Variants in SLC35A3 observed in about 807,000 individuals in gnomAD.
SLC35A3 encodes solute carrier family 35 member A3.
Under a neutral mutation model 39.0 loss-of-function variants are expected in SLC35A3, and 26 were observed. The observed-to-expected ratio is 0.67, with a 90% CI of 0.49 to 0.92. SLC35A3 has a LOEUF of 0.92. Ranked by LOEUF, SLC35A3 falls within the 40% of genes least tolerant of loss-of-function variation. The probability of loss-of-function intolerance (pLI) is 0.00; values close to 1 mark genes in which losing one functional copy is unlikely to be tolerated. For synonymous variants in SLC35A3, 135 were observed against 133.1 expected (o/e 1.01, Z -0.10); for missense variants, 299 against 371.6 (o/e 0.80, Z 1.61).
chr1:99,975,066 C>G (rs142608931), intron 1 of SLC35A3: 1,593 of 152,180 alleles, frequency 0.01, 14 homozygotes, highest in Middle Eastern at 0.057. Flanking sequence ...CCTTAGCCTC[C>G]CAAGTAGGTG....
chr1:99,989,084 A>G (rs1347898077), intron 1 of SLC35A3, among the ~76,000 whole-genome samples: 1 of 152,034 alleles, frequency 6.6e-6, no homozygotes, highest in Non-Finnish European at 1.5e-5. Context: ...ACCATTTTAC[A>G]TTTTCACTAG....
intron 1 of SLC35A3, among the ~76,000 whole-genome samples, chr1:99,981,782 G>C (rs889786365): frequency 2.6e-5 from 4 of 152,020 alleles, no homozygotes; most frequent in Non-Finnish European, 5.9e-5. Flanking sequence ...CACCCAGCCT[G>C]TGTATGAATT....
chr1:100,021,305 A>G lies in SLC35A3; in HGVS notation c.888-1081A>G, dbSNP rs529297548. 2.6e-5 allele frequency among the ~76,000 whole-genome samples: 4 copies of G among 151,846 alleles called. No homozygotes were observed. In the South Asian group the frequency reaches 8.3e-4, roughly 32 times the overall value. ...CTTGAACCTGGGAGGCGGAGGTTGCAGTGAGCCGAGATCACACCACTGCAC... is the reference window on the plus strand; with the variant it reads ...CTTGAACCTGGGAGGCGGAGGTTGCGGTGAGCCGAGATCACACCACTGCAC... On this transcript the variant is annotated intron_variant, in intron 7 of 7. Transcript: ENST00000533028.
intron 1 of SLC35A3, among the ~76,000 whole-genome samples, chr1:99,983,213 G>A (rs1200493236): frequency 6.6e-6 from 1 of 151,940 alleles, no homozygotes; most frequent in East Asian, 1.9e-4. Flanking sequence ...CTGGAGGGGA[G>A]TGGAATGAAG....
At chr1:99,983,753 G>A (rs1260144431) in intron 1 of SLC35A3, among the ~76,000 whole-genome samples, 1 of 151,534 alleles carries the variant, frequency 6.6e-6, no homozygotes, top group Non-Finnish European at 1.5e-5. Flanking sequence ...AGCCCCCTGA[G>A]TAGCTGGGAT....
intron 1 of SLC35A3, among the ~76,000 whole-genome samples, chr1:99,980,285 T>A (rs1347114299): frequency 6.6e-6 from 1 of 152,092 alleles, no homozygotes; most frequent in Non-Finnish European, 1.5e-5. Flanking sequence ...CTGTTGTAAG[T>A]GGTGGGAAGT....
intron 3 of SLC35A3, among the ~76,000 whole-genome samples, chr1:100,006,222 C>A (rs1442887056): frequency 6.6e-6 from 1 of 152,032 alleles, no homozygotes; most frequent in Admixed American, 6.6e-5. Context: ...CCAGTGGTGG[C>A]AGTGGTGGAC....
At chr1:99,972,673 A>G (rs1656887702) in intron 1 of SLC35A3, among the ~76,000 whole-genome samples, 1 of 152,134 alleles carries the variant, frequency 6.6e-6, no homozygotes, top group Non-Finnish European at 1.5e-5. Flanking sequence ...TAGTACTTGA[A>G]CACATCATGA....
Position 100,024,642 on chromosome 1 carries a change from CAG to C in SLC35A3, c.*2169_*2170del, listed in dbSNP as rs1250410103. On this transcript the variant is annotated 3_prime_UTR_variant, in exon 8 of 8. Coordinates refer to ENST00000533028, the MANE Select transcript of SLC35A3 (RefSeq NM_012243.3). Reference sequence around the variant, plus strand: ...TACTTCTTTTTTTTTTTTTTTGAGACAGAGTCTCACTTTGTCGCCAGGCTGGA... The same window carrying C: ...TACTTCTTTTTTTTTTTTTTTGAGACAGTCTCACTTTGTCGCCAGGCTGGA... The C allele has an allele frequency of 1.0e-3, 296 of 296,462 alleles. 3 individuals carry two copies. The highest frequency in any genetic ancestry group is 6.1e-3 in the African/African-American group (255 of 42,088). The allele number at this position is 296,462 out of a possible 1,614,324, so 18.4% of individuals were successfully genotyped here. A position where few individuals can be genotyped will look rare whatever the true frequency, so the allele number is the denominator to read the frequency against.
Position 100,030,378 on chromosome 1 carries a change from G to A in SLC35A3, c.*7902G>A, listed in dbSNP as rs900095606. On this transcript the variant is annotated 3_prime_UTR_variant, in exon 8 of 8. Coordinates refer to ENST00000533028, the MANE Select transcript of SLC35A3 (RefSeq NM_012243.3). ...AAATTCACGTTAAAATATACTTTAAGCTTGTCCAACGCGCGGCCTGCAGGC... is the reference window on the plus strand; with the variant it reads ...AAATTCACGTTAAAATATACTTTAAACTTGTCCAACGCGCGGCCTGCAGGC... 6.6e-6 allele frequency: 1 copy of A among 152,228 alleles called. No individual in the cohort carries two copies. The highest frequency in any genetic ancestry group is 2.4e-5 in the African/African-American group (1 of 41,454). 9.4% of individuals were successfully genotyped at this position (152,228 alleles called of 1,614,324 possible). A position where few individuals can be genotyped will look rare whatever the true frequency, so the allele number is the denominator to read the frequency against.
chr1:99,992,192 C>T (rs1658130496), intron 1 of SLC35A3, among the ~76,000 whole-genome samples: 1 of 152,006 alleles, frequency 6.6e-6, no homozygotes, highest in African/African-American at 2.4e-5. Flanking sequence ...ACTGCATTTA[C>T]CTGTTTTCCC....
chr1:100,003,955 C>G (rs1171687487), intron 3 of SLC35A3, among the ~76,000 whole-genome samples: 1 of 152,086 alleles, frequency 6.6e-6, no homozygotes, highest in Non-Finnish European at 1.5e-5. Flanking sequence ...TTTTTGGTTT[C>G]TGTTTGCATG....
At chr1:100,014,451 G>C (rs751074336) in intron 5 of SLC35A3, among the ~76,000 whole-genome samples, 2 of 152,064 alleles carry the variant, frequency 1.3e-5, no homozygotes, top group African/African-American at 4.8e-5. Flanking sequence ...TAAACTCCTG[G>C]GGTCAAATGA....
intron 1 of SLC35A3, chr1:99,970,449 C>A: frequency 2.4e-6 from 2 of 836,860 alleles, no homozygotes; most frequent in Admixed American, 2.3e-5. Context: ...CGAATGAAGA[C>A]GGCAGTGTGT....
At chr1:99,996,472 A>G (rs556104462) in intron 2 of SLC35A3, among the ~76,000 whole-genome samples, 1 of 152,358 alleles carries the variant, frequency 6.6e-6, no homozygotes, top group South Asian at 2.1e-4. Flanking sequence ...TTCACTAGCA[A>G]TCAAGGAAAT....
intron 2 of SLC35A3, among the ~76,000 whole-genome samples, chr1:99,997,848 G>C (rs1436436838): frequency 4.6e-5 from 7 of 151,958 alleles, no homozygotes; most frequent in African/African-American, 9.7e-5. Flanking sequence ...GGGCTGCAGT[G>C]GTTAGAGGAT....
intron 1 of SLC35A3, among the ~76,000 whole-genome samples, chr1:99,975,896 C>G (rs1657079382): frequency 6.6e-6 from 1 of 151,876 alleles, no homozygotes; most frequent in East Asian, 1.9e-4. Context: ...CCCGGCTCCA[C>G]AAAAAATAAA....
chr1:100,005,322 T>G (rs139697691), intron 3 of SLC35A3, among the ~76,000 whole-genome samples: 2,042 of 152,340 alleles, frequency 0.013, 18 homozygotes, highest in Middle Eastern at 0.058. Context: ...TCTTTATTGT[T>G]GTTTCAAAAC....
At chr1:99,971,978 A>G (rs1385666879) in intron 1 of SLC35A3, among the ~76,000 whole-genome samples, 2 of 151,472 alleles carry the variant, frequency 1.3e-5, no homozygotes, top group African/African-American at 4.9e-5. Context: ...GCTCACTGCA[A>G]CCTCCGTCTC....
Sources: allele counts gnomAD v4.1 joint callset (sites outside exome capture counted in the v4.1 genomes callset), GRCh38; gene constraint gnomAD v4.1.1; transcripts MANE v1.5; gene names NCBI Gene and HGNC (gene_info 2026-07-23, HGNC 2026-07-21).